The following VPS13B variants were observed in gnomAD, a reference collection of about 807,000 sequenced individuals.
The protein encoded by VPS13B is vacuolar protein sorting 13 homolog B.
VPS13B carries 285 observed loss-of-function variants against 426.4 expected under a neutral mutation model. The observed-to-expected ratio is 0.67, with a 90% CI of 0.61 to 0.74. VPS13B has a LOEUF of 0.74. Ranked by LOEUF, VPS13B falls within the 30% of genes least tolerant of loss-of-function variation. VPS13B has a pLI of 0.00. For missense variants in VPS13B, 4,537 were observed against 4,782.6 expected, an observed-to-expected ratio of 0.95 and a Z score of 1.51; for synonymous variants, 1,676 against 1,676.4, an observed-to-expected ratio of 1.00 and a Z score of 0.01.
At chr8:99,769,198 C>T (rs1021617461) in intron 40 of VPS13B, among the ~76,000 whole-genome samples, 4 of 152,122 alleles carry the variant, frequency 2.6e-5, no homozygotes, top group Admixed American at 6.6e-5. Flanking sequence ...CCTAATATTT[C>T]ACAATTTATC....
At chr8:99,686,350 A>G (rs1188808926) in intron 35 of VPS13B, among the ~76,000 whole-genome samples, 2 of 150,840 alleles carry the variant, frequency 1.3e-5, no homozygotes, top group East Asian at 1.9e-4. Context: ...CCCAAGGCTC[A>G]TGATAACCCC....
In VPS13B at chr8:99,876,763, T is replaced by C. The variant is rs1284327763; in HGVS notation, c.*1097T>C. On this transcript the variant is annotated 3_prime_UTR_variant, in exon 62 of 62. Coordinates refer to ENST00000357162, the MANE Select transcript of VPS13B (RefSeq NM_152564.5). Reference sequence around the variant, plus strand: ...TACAGTCCAGTAGCTTAGAGCATGTTTGCTGATTGATATTACATTTAAACT... The same window carrying C: ...TACAGTCCAGTAGCTTAGAGCATGTCTGCTGATTGATATTACATTTAAACT... The C allele has an allele frequency of 6.6e-6, 1 of 152,246 alleles. No individual in the cohort carries two copies. Among genetic ancestry groups the C allele is most frequent in the Non-Finnish European group, 1.5e-5 (1 of 68,044 alleles). The allele number at this position is 152,246 out of a possible 1,614,324, so 9.4% of individuals were successfully genotyped here.
At chr8:99,308,812 T>C (rs888368183) in intron 19 of VPS13B, among the ~76,000 whole-genome samples, 1 of 152,180 alleles carries the variant, frequency 6.6e-6, no homozygotes, top group Non-Finnish European at 1.5e-5. Context: ...GTAAAAGTGT[T>C]CCTATTTCTC....
intron 17 of VPS13B, chr8:99,233,393 T>A: frequency 9.1e-7 from 1 of 1,097,000 alleles, no homozygotes; most frequent in Non-Finnish European, 1.4e-6. Flanking sequence ...TGGGCCTTGA[T>A]GGAGGCTCTG....
intron 33 of VPS13B, among the ~76,000 whole-genome samples, chr8:99,597,864 TA>T (rs1267033558): frequency 6.6e-6 from 1 of 152,016 alleles, no homozygotes; most frequent in Non-Finnish European, 1.5e-5. Context: ...TCTGAGATGA[TA>T]AAACCCAGGG....
intron 39 of VPS13B, among the ~76,000 whole-genome samples, chr8:99,724,300 G>C (rs556661121): frequency 6.6e-6 from 1 of 152,106 alleles, no homozygotes; most frequent in African/African-American, 2.4e-5. Flanking sequence ...TTCTGTGGTC[G>C]TGTGGGGTAG....
rs57457462 is a variant in VPS13B at position 99,189,570 on chromosome 8, C to G, written c.2334-3306C>G. Among the ~76,000 whole-genome samples, 243 of 151,824 alleles carry G rather than the reference C, an allele frequency of 1.6e-3. 1 individual carries two copies. The highest frequency in any genetic ancestry group is 5.7e-3 in the African/African-American group (236 of 41,390). ...TGATAAATATTTCTGTATACTATTT[C>G]TTTTCTATTTGTTTTCCTCTTTTCT... On this transcript the variant is annotated intron_variant, in intron 16 of 61. Coordinates refer to ENST00000357162, the MANE Select transcript of VPS13B (RefSeq NM_152564.5).
Position 99,135,699 on chromosome 8 carries a change from G to T in VPS13B, c.1529G>T (p.Arg510Leu), listed in dbSNP as rs771667880. 1 of 1,613,216 alleles carries T rather than the reference G, an allele frequency of 6.2e-7. No homozygotes were observed. The highest frequency in any genetic ancestry group is 2.2e-5 in the East Asian group (1 of 44,806). Residue 510 changes from arginine (R) to leucine (L), a missense_variant, in exon 11 of 62, where the codon CGC becomes CTC. Transcript: ENST00000357162. ...DYRSPENNGTRAEFILDSTHH... is the reference protein window; with the variant it reads ...DYRSPENNGTLAEFILDSTHH... ...CGAAGCCCAGAAAATAATGGTACTC[G>T]CGCAGAATTTATCTTGGATTCAACT... is the stretch of plus-strand genomic sequence containing the variant.
intron 3 of VPS13B, among the ~76,000 whole-genome samples, chr8:99,054,162 C>T (rs190514702): frequency 6.6e-6 from 1 of 152,048 alleles, no homozygotes; most frequent in Non-Finnish European, 1.5e-5. Context: ...TCTTTGAGAC[C>T]CTGCTTTCAG....
At chr8:99,223,928 T>C (rs1252346023) in intron 17 of VPS13B, among the ~76,000 whole-genome samples, 2 of 152,224 alleles carry the variant, frequency 1.3e-5, no homozygotes, top group East Asian at 1.9e-4. Context: ...GAAATATTCA[T>C]AGTTTATAAG....
At chr8:99,337,505 A>G (rs1319300755) in intron 19 of VPS13B, among the ~76,000 whole-genome samples, 1 of 152,060 alleles carries the variant, frequency 6.6e-6, no homozygotes, top group Non-Finnish European at 1.5e-5. Context: ...CTAAAACTTA[A>G]AGTATAATAA....
chr8:99,449,308 A>T (rs1414130314), intron 23 of VPS13B, among the ~76,000 whole-genome samples: 1 of 152,204 alleles, frequency 6.6e-6, no homozygotes, highest in Non-Finnish European at 1.5e-5. Context: ...ATGGTTAGGA[A>T]CAAAGAAAGA....
At chr8:99,736,008 A>G (rs1415775070) in intron 39 of VPS13B, among the ~76,000 whole-genome samples, 1 of 152,170 alleles carries the variant, frequency 6.6e-6, no homozygotes, top group African/African-American at 2.4e-5. Context: ...GAAATCCTCA[A>G]TACACTGTTA....
intron 38 of VPS13B, 32 bp downstream of exon 38, chr8:99,720,584 C>A: frequency 6.3e-7 from 1 of 1,594,408 alleles, no homozygotes; most frequent in East Asian, 2.2e-5. Flanking sequence ...ATGAGAGTGT[C>A]TCTGTGCATG....
chr8:99,138,419 A>C (rs1173509777), intron 12 of VPS13B, among the ~76,000 whole-genome samples: 1 of 152,182 alleles, frequency 6.6e-6, no homozygotes, highest in Admixed American at 6.5e-5. Flanking sequence ...GAGCCACCGC[A>C]CTCAGCCAGG....
intron 3 of VPS13B, among the ~76,000 whole-genome samples, chr8:99,056,268 C>T (rs1843852412): frequency 6.6e-6 from 1 of 151,716 alleles, no homozygotes; most frequent in Non-Finnish European, 1.5e-5. Context: ...ATCATGTTGC[C>T]CAGGCTCGTC....
At chr8:99,326,402 A>G (rs1221598436) in intron 19 of VPS13B, among the ~76,000 whole-genome samples, 1 of 147,532 alleles carries the variant, frequency 6.8e-6, no homozygotes, top group East Asian at 2.0e-4. Flanking sequence ...TTATGAAAAA[A>G]TTAAATAATT....
intron 35 of VPS13B, among the ~76,000 whole-genome samples, chr8:99,685,665 T>C (rs1204689392): frequency 6.6e-6 from 1 of 152,256 alleles, no homozygotes; most frequent in Non-Finnish European, 1.5e-5. Context: ...ATCAGTTGCA[T>C]TTTTCAACTC....
At chr8:99,736,781 A>G (rs1455587180) in intron 39 of VPS13B, among the ~76,000 whole-genome samples, 1 of 151,976 alleles carries the variant, frequency 6.6e-6, no homozygotes, top group Non-Finnish European at 1.5e-5. Context: ...GCCTCCATGT[A>G]TTTTCTTATC....
Sources: allele counts gnomAD v4.1 joint callset (sites outside exome capture counted in the v4.1 genomes callset), GRCh38; gene constraint gnomAD v4.1.1; transcripts MANE v1.5; gene names NCBI Gene and HGNC (gene_info 2026-07-23, HGNC 2026-07-21).